The following CSMD1 variants were observed in gnomAD, a reference collection of about 807,000 sequenced individuals.
CSMD1 encodes CUB and Sushi multiple domains 1, also known as CUB and sushi domain-containing protein 1.
A neutral mutation model predicts 417.5 loss-of-function variants in CSMD1; 213 were observed. That is an observed-to-expected ratio of 0.51 (90% confidence interval 0.46 to 0.57). CSMD1 has a LOEUF of 0.57. CSMD1 is among the 20% of genes least tolerant of loss of function. The probability of loss-of-function intolerance (pLI) is 0.00; values close to 1 mark genes in which losing one functional copy is unlikely to be tolerated. For synonymous variants in CSMD1, 2,862 were observed against 1,736.8 expected, an observed-to-expected ratio of 1.65 and a Z score of -16.11; for missense variants, 6,923 against 4,529.7, an observed-to-expected ratio of 1.53 and a Z score of -15.17.
chr8:3,114,345 TAA>T (rs1221581663), intron 42 of CSMD1, among the ~76,000 whole-genome samples: 3 of 151,886 alleles, frequency 2.0e-5, no homozygotes, highest in African/African-American at 4.8e-5. Flanking sequence ...AGTATTATGT[TAA>T]GTTTTTTGCC....
At chr8:4,827,906 A>G (rs1799929315) in intron 1 of CSMD1, among the ~76,000 whole-genome samples, 1 of 152,210 alleles carries the variant, frequency 6.6e-6, no homozygotes, top group African/African-American at 2.4e-5. Flanking sequence ...CTTGAAATAC[A>G]ATGAAAAATG....
At chr8:4,162,815 G>A (rs1225183990) in intron 3 of CSMD1, among the ~76,000 whole-genome samples, 2 of 152,152 alleles carry the variant, frequency 1.3e-5, no homozygotes, top group Non-Finnish European at 2.9e-5. Context: ...TATGGGTGTG[G>A]ATAAATATAT....
intron 1 of CSMD1, among the ~76,000 whole-genome samples, chr8:4,925,764 G>A (rs1396090256): frequency 6.6e-6 from 1 of 152,038 alleles, no homozygotes; most frequent in Admixed American, 6.6e-5. Flanking sequence ...GGTCAGGATG[G>A]TCTCAAACTC....
At chr8:3,999,084 G>T (rs1231864730) in intron 4 of CSMD1, among the ~76,000 whole-genome samples, 1 of 150,758 alleles carries the variant, frequency 6.6e-6, no homozygotes, top group Admixed American at 6.6e-5. Flanking sequence ...TGAGAGAGAA[G>T]TATTTTAAAA....
chr8:4,990,575 A>G (rs1811409317), intron 1 of CSMD1, among the ~76,000 whole-genome samples: 1 of 152,078 alleles, frequency 6.6e-6, no homozygotes, highest in Non-Finnish European at 1.5e-5. Context: ...ATGTTGGTCA[A>G]GCTGGTCTCC....
intron 7 of CSMD1, among the ~76,000 whole-genome samples, chr8:3,659,260 A>T (rs1798287865): frequency 6.6e-6 from 1 of 152,210 alleles, no homozygotes; most frequent in Admixed American, 6.5e-5. Context: ...GAACATGATA[A>T]CAAAGACTAC....
chr8:4,181,961 T>TGTGTGTGG (rs1257297590), intron 3 of CSMD1, among the ~76,000 whole-genome samples: 3 of 150,782 alleles, frequency 2.0e-5, no homozygotes, highest in Non-Finnish European at 4.4e-5. Context: ...TGTCTGCGTG[T>TGTGTGTGG]GTGTGTGTGT....
intron 2 of CSMD1, among the ~76,000 whole-genome samples, chr8:4,580,955 G>C (rs1350973034): frequency 6.6e-6 from 1 of 152,202 alleles, no homozygotes; most frequent in Non-Finnish European, 1.5e-5. Flanking sequence ...TAGGTGAAAA[G>C]ATAGACAACG....
intron 6 of CSMD1, among the ~76,000 whole-genome samples, chr8:3,723,617 A>T (rs1802312686): frequency 6.6e-6 from 1 of 152,138 alleles, no homozygotes; most frequent in Non-Finnish European, 1.5e-5. Context: ...TCAAGAAAAT[A>T]TTAGAATTTT....
intron 1 of CSMD1, among the ~76,000 whole-genome samples, chr8:4,685,250 C>T (rs779609886): frequency 2.0e-4 from 30 of 152,186 alleles, no homozygotes; most frequent in Non-Finnish European, 3.5e-4. Flanking sequence ...AACACAAGTA[C>T]AGGTCTACTT....
intron 2 of CSMD1, among the ~76,000 whole-genome samples, chr8:4,539,133 A>C (rs867700929): frequency 2.0e-5 from 3 of 152,314 alleles, no homozygotes; most frequent in Middle Eastern, 6.8e-3. Context: ...CTGTGGAAAA[A>C]GCTAAAAATG....
chr8:3,255,381 T>C (rs1238387034), intron 26 of CSMD1, among the ~76,000 whole-genome samples: 3 of 152,164 alleles, frequency 2.0e-5, no homozygotes, highest in Non-Finnish European at 1.5e-5. Flanking sequence ...GGAGAACCAC[T>C]ACTCTATGTA....
chr8:4,876,168 T>C (rs1270792430), intron 1 of CSMD1, among the ~76,000 whole-genome samples: 3 of 152,094 alleles, frequency 2.0e-5, no homozygotes, highest in African/African-American at 7.3e-5. Context: ...TCTATTTCCC[T>C]GCTGGGTAAT....
At chr8:4,445,371 T>G (rs1429301003) in intron 2 of CSMD1, among the ~76,000 whole-genome samples, 4 of 152,232 alleles carry the variant, frequency 2.6e-5, no homozygotes, top group African/African-American at 9.6e-5. Context: ...ATATCTCATT[T>G]GAGGAGCTCA....
At position 3,119,545 on chromosome 8, in the gene CSMD1, A is replaced by G. The variant is rs183857995; in HGVS notation, c.6242-958T>C. ...AAGACAAGAGATAATAAATGTTTGC[A>G]GTCTGTGTGGTTTAAACATTTACTC... On this transcript the variant is annotated intron_variant, in intron 41 of 69. Coordinates refer to ENST00000635120, the MANE Select transcript of CSMD1 (RefSeq NM_033225.6). 8.5e-4 allele frequency among the ~76,000 whole-genome samples: 130 copies of G among 152,318 alleles called. 1 individual carries two copies. The highest frequency in any genetic ancestry group is 3.0e-3 in the African/African-American group (126 of 41,576).
At chr8:3,449,072 G>C (rs1585180645) in intron 12 of CSMD1, among the ~76,000 whole-genome samples, 1 of 151,570 alleles carries the variant, frequency 6.6e-6, no homozygotes, top group Admixed American at 6.6e-5. Flanking sequence ...ATGAAAACTT[G>C]TTGCCTGTCT....
At chr8:4,715,926 T>C (rs769122978) in intron 1 of CSMD1, among the ~76,000 whole-genome samples, 9 of 152,204 alleles carry the variant, frequency 5.9e-5, no homozygotes, top group Middle Eastern at 3.2e-3. Flanking sequence ...ACATAATAGC[T>C]AAAATTGTCT....
chr8:3,233,805 T>A (rs879487577), intron 26 of CSMD1, among the ~76,000 whole-genome samples: 21 of 152,220 alleles, frequency 1.4e-4, no homozygotes, highest in Admixed American at 6.5e-4. Context: ...GGTACACCCA[T>A]CCAGAGGAGA....
At chr8:3,863,726 A>T (rs1342448373) in intron 5 of CSMD1, among the ~76,000 whole-genome samples, 1 of 152,152 alleles carries the variant, frequency 6.6e-6, no homozygotes, top group African/African-American at 2.4e-5. Context: ...TCTAATTCAG[A>T]TTTTGTTTTC....
Sources: allele counts gnomAD v4.1 joint callset (sites outside exome capture counted in the v4.1 genomes callset), GRCh38; gene constraint gnomAD v4.1.1; transcripts MANE v1.5; gene names NCBI Gene and HGNC (gene_info 2026-07-23, HGNC 2026-07-21).